The following ARNT2 variants were observed in gnomAD, a reference collection of about 807,000 sequenced individuals.
ARNT2 encodes ARNT protein 2.
Under a neutral mutation model 91.7 loss-of-function variants are expected in ARNT2, and 36 were observed. The observed-to-expected ratio is 0.39, with a 90% confidence interval of 0.30 to 0.52. ARNT2 has a LOEUF of 0.52. ARNT2 is among the 20% of genes least tolerant of loss of function. The pLI is 0.72. For synonymous variants in ARNT2, 365 were observed against 347.1 expected, an observed-to-expected ratio of 1.05 and a Z score of -0.57; for missense variants, 775 against 939.3, an observed-to-expected ratio of 0.83 and a Z score of 2.29.
At chr15:80,519,996 C>T (rs2141432844) in intron 8 of ARNT2, among the ~76,000 whole-genome samples, 1 of 148,784 alleles carries the variant, frequency 6.7e-6, no homozygotes, top group African/African-American at 2.5e-5. Flanking sequence ...CCGTGCCTGG[C>T]CGCTTTTTTT....
intron 11 of ARNT2, among the ~76,000 whole-genome samples, chr15:80,560,843 C>T (rs1353364501): frequency 6.6e-6 from 1 of 152,218 alleles, no homozygotes; most frequent in Non-Finnish European, 1.5e-5. Flanking sequence ...CAGCCTCCTC[C>T]CCTGTGGTGT....
At chr15:80,442,696 G>A (rs2305145) in intron 1 of ARNT2, 102,453 of 256,424 alleles carry the variant, frequency 0.4, 20,913 homozygotes, top group East Asian at 0.55. Flanking sequence ...TCAATGAACC[G>A]AGGAATGTGT....
intron 7 of ARNT2, 108 bp from the exon 8 acceptor site, chr15:80,514,212 C>T (rs775316994): frequency 3.3e-5 from 40 of 1,221,558 alleles, no homozygotes; most frequent in Non-Finnish European, 4.4e-5. Flanking sequence ...AGATTCAAAA[C>T]CACAAAGGCA....
intron 1 of ARNT2, among the ~76,000 whole-genome samples, chr15:80,424,834 G>T (rs1020275591): frequency 1.3e-4 from 19 of 151,894 alleles, no homozygotes; most frequent in Non-Finnish European, 5.9e-5. Context: ...ACCAGTTCAG[G>T]CTTCCGGCAG....
chr15:80,565,903 G>A (rs1898472195), intron 12 of ARNT2, among the ~76,000 whole-genome samples: 1 of 151,964 alleles, frequency 6.6e-6, no homozygotes. Context: ...TCTTTAATTA[G>A]ATGATGACCT....
intron 8 of ARNT2, among the ~76,000 whole-genome samples, chr15:80,522,760 C>CATATATATATATATATATATAT (rs60138286): frequency 1.0e-4 from 15 of 144,474 alleles, no homozygotes; most frequent in African/African-American, 3.9e-4. Context: ...TGTACATACA[C>CATATATATATATATATATATAT]ATATATATAT....
chr15:80,494,156 A>G (rs906748581), intron 5 of ARNT2, among the ~76,000 whole-genome samples: 2 of 152,204 alleles, frequency 1.3e-5, no homozygotes, highest in African/African-American at 4.8e-5. Flanking sequence ...ACTAAGACAC[A>G]TGAGCTGCTC....
intron 1 of ARNT2, chr15:80,442,763 A>T (rs966228796): frequency 1.2e-6 from 1 of 822,212 alleles, no homozygotes; most frequent in African/African-American, 1.9e-5. Flanking sequence ...CATGTGTGGC[A>T]TGGTAGTTGT....
intron 1 of ARNT2, among the ~76,000 whole-genome samples, chr15:80,445,551 G>A (rs542058114): frequency 6.6e-6 from 1 of 151,918 alleles, no homozygotes; most frequent in East Asian, 1.9e-4. Flanking sequence ...GGTGTGTGAC[G>A]TGTGTGTTGG....
intron 15 of ARNT2, 35 bp from the exon 16 acceptor site, chr15:80,580,376 T>G: frequency 6.2e-7 from 1 of 1,612,902 alleles, no homozygotes; most frequent in Non-Finnish European, 8.5e-7. Flanking sequence ...AAACCAGGTG[T>G]GTCCTCGGGA....
intron 9 of ARNT2, 137 bp downstream of exon 9, chr15:80,551,412 G>A: frequency 1.3e-6 from 1 of 796,244 alleles, no homozygotes; most frequent in South Asian, 1.7e-5. Flanking sequence ...CACTCTGTGG[G>A]ACAAGGCTGA....
intron 1 of ARNT2, among the ~76,000 whole-genome samples, chr15:80,407,502 T>C (rs1349564538): frequency 6.6e-6 from 1 of 152,242 alleles, no homozygotes; most frequent in African/African-American, 2.4e-5. Context: ...TCCCAGATAT[T>C]CTCCTCATGA....
chr15:80,469,489 T>C (rs1016857770), intron 3 of ARNT2, among the ~76,000 whole-genome samples: 42 of 151,034 alleles, frequency 2.8e-4, no homozygotes, highest in African/African-American at 1.0e-3. Context: ...CAAGATATAA[T>C]ATGTAAATAT....
At chr15:80,522,397 A>G (rs1897563003) in intron 8 of ARNT2, among the ~76,000 whole-genome samples, 1 of 152,224 alleles carries the variant, frequency 6.6e-6, no homozygotes, top group Admixed American at 6.5e-5. Context: ...ATATACATAC[A>G]TATGTATACA....
At chr15:80,518,848 A>G (rs370639363) in intron 8 of ARNT2, among the ~76,000 whole-genome samples, 2 of 152,058 alleles carry the variant, frequency 1.3e-5, no homozygotes, top group African/African-American at 4.8e-5. Context: ...CTTTTCTCTT[A>G]GAGAGTAGGT....
intron 12 of ARNT2, among the ~76,000 whole-genome samples, chr15:80,572,969 T>C (rs1020443319): frequency 2.6e-5 from 4 of 152,240 alleles, no homozygotes; most frequent in African/African-American, 9.6e-5. Context: ...TACAGCCAAC[T>C]TTGCATGGGT....
intron 6 of ARNT2, among the ~76,000 whole-genome samples, 192 bp from the exon 7 acceptor site, chr15:80,513,719 C>CATAA (rs1255595355): frequency 1.6e-4 from 5 of 30,442 alleles, no homozygotes; most frequent in Non-Finnish European, 2.6e-4. Flanking sequence ...TTTCTTCAGT[C>CATAA]ACAAAAAAAA....
At chr15:80,569,171 C>T (rs1898540036) in intron 12 of ARNT2, among the ~76,000 whole-genome samples, 1 of 152,216 alleles carries the variant, frequency 6.6e-6, no homozygotes, top group Non-Finnish European at 1.5e-5. Flanking sequence ...TTCATGGCTT[C>T]TTGCTCACTT....
At position 80,593,736 on chromosome 15, in the gene ARNT2, C is replaced by A; in HGVS notation, c.*38C>A. The A allele has an allele frequency of 6.5e-7, 1 of 1,541,004 alleles. No individual in the cohort carries two copies. Among genetic ancestry groups the A allele is most frequent in the Non-Finnish European group, 8.9e-7 (1 of 1,128,646 alleles). ...TGAGGCTCCTGCTGTACAGTGCCAC[C>A]CATACTGTGATGTCGATGCCCATGT... On this transcript the variant is annotated 3_prime_UTR_variant, in exon 19 of 19. Transcript: ENST00000303329.
Sources: allele counts gnomAD v4.1 joint callset (sites outside exome capture counted in the v4.1 genomes callset), GRCh38; gene constraint gnomAD v4.1.1; transcripts MANE v1.5; gene names NCBI Gene and HGNC (gene_info 2026-07-23, HGNC 2026-07-21).